MYRFL: variants seen among roughly 807,000 people sequenced by gnomAD.
MYRFL encodes the protein myelin regulatory factor-like protein.
MYRFL carries 88 observed loss-of-function variants against 109.4 expected under a neutral mutation model. The ratio of observed to expected loss-of-function variants is 0.80; its 90% confidence interval spans 0.68 to 0.96. MYRFL has a LOEUF of 0.96. Ranked by LOEUF, MYRFL falls within the 40% of genes least tolerant of loss-of-function variation. The pLI, the probability that MYRFL is intolerant of heterozygous loss-of-function variation, is 0.00. For synonymous variants in MYRFL, 324 were observed against 320.9 expected (o/e 1.01, Z -0.10); for missense variants, 957 against 954.9 (o/e 1.00, Z -0.03).
intron 19 of MYRFL, among the ~76,000 whole-genome samples, chr12:69,943,840 A>G (rs1186506488): frequency 1.3e-5 from 2 of 152,156 alleles, no homozygotes; most frequent in East Asian, 3.9e-4. Flanking sequence ...TTTACAAGAA[A>G]AAAACAAACA....
At chr12:69,947,835 A>T (rs1955879211) in intron 19 of MYRFL, among the ~76,000 whole-genome samples, 1 of 152,268 alleles carries the variant, frequency 6.6e-6, no homozygotes, top group African/African-American at 2.4e-5. Context: ...GGGAAGAGAA[A>T]TGTATCCAAG....
At chr12:69,840,621 A>C (rs1333599833) in intron 1 of MYRFL, among the ~76,000 whole-genome samples, 1 of 152,198 alleles carries the variant, frequency 6.6e-6, no homozygotes, top group Non-Finnish European at 1.5e-5. Flanking sequence ...AATAATTTTG[A>C]ATGAATAAGT....
intron 13 of MYRFL, among the ~76,000 whole-genome samples, chr12:69,911,409 G>A (rs1328867438): frequency 1.3e-5 from 2 of 152,162 alleles, no homozygotes; most frequent in Non-Finnish European, 2.9e-5. Flanking sequence ...AATTTTTTGA[G>A]CATAGTTTTT....
At chr12:69,894,628 G>T (rs1887112806) in intron 8 of MYRFL, among the ~76,000 whole-genome samples, 1 of 152,212 alleles carries the variant, frequency 6.6e-6, no homozygotes, top group African/African-American at 2.4e-5. Flanking sequence ...CTTGCTGAAT[G>T]GATTCCAGTA....
chr12:69,853,846 G>A (rs112830788), intron 1 of MYRFL, among the ~76,000 whole-genome samples: 106 of 149,608 alleles, frequency 7.1e-4, no homozygotes, highest in African/African-American at 2.2e-3. Flanking sequence ...GGGAAGAGGC[G>A]CTCCTCATTT....
chr12:69,925,921 A>G (rs1017410937), intron 13 of MYRFL, among the ~76,000 whole-genome samples: 6 of 152,158 alleles, frequency 3.9e-5, no homozygotes, highest in Non-Finnish European at 8.8e-5. Flanking sequence ...AGGTTATTGC[A>G]TTTTGTCTGG....
In MYRFL at chr12:69,825,228, G is replaced by A. The variant is rs965666760; in HGVS notation, c.-290G>A. ...CAAAGGTCCTTAAAGACGAAAAGCAGAGTAGAAACAGTTCCTTATATTAAG... is the reference window on the plus strand; with the variant it reads ...CAAAGGTCCTTAAAGACGAAAAGCAAAGTAGAAACAGTTCCTTATATTAAG... On this transcript the variant is annotated 5_prime_UTR_variant, in exon 1 of 25. Transcript: ENST00000552032. 1.1e-5 allele frequency: 6 copies of A among 561,726 alleles called. No individual in the cohort carries two copies. Among genetic ancestry groups the A allele is most frequent in the Admixed American group, 3.0e-5 (1 of 33,266 alleles). 34.8% of individuals were successfully genotyped at this position (561,726 alleles called of 1,614,324 possible).
intron 19 of MYRFL, among the ~76,000 whole-genome samples, chr12:69,951,422 GCTTT>G (rs1955972416): frequency 9.1e-6 from 1 of 109,652 alleles, no homozygotes; most frequent in South Asian, 3.0e-4. Flanking sequence ...GTCCTAACCT[GCTTT>G]TTTTTTTTTT....
intron 2 of MYRFL, among the ~76,000 whole-genome samples, chr12:69,874,619 T>C (rs1347099300): frequency 3.9e-5 from 6 of 152,346 alleles, no homozygotes; most frequent in African/African-American, 1.4e-4. Flanking sequence ...CTTTAACATT[T>C]CTTATTGTAC....
At chr12:69,927,604 T>C (rs775971466) in intron 14 of MYRFL, 81 bp from the exon 15 acceptor site, 3 of 1,000,136 alleles carry the variant, frequency 3.0e-6, no homozygotes, top group Non-Finnish European at 4.4e-6. Flanking sequence ...CATATTGCTA[T>C]GTTAGTGACA....
At chr12:69,839,438 G>C (rs1006818149) in intron 1 of MYRFL, among the ~76,000 whole-genome samples, 5 of 152,084 alleles carry the variant, frequency 3.3e-5, no homozygotes, top group African/African-American at 7.2e-5. Context: ...TCTTAAATTT[G>C]TATTAGACAT....
At chr12:69,877,488 G>A (rs1885763074) in intron 2 of MYRFL, among the ~76,000 whole-genome samples, 1 of 152,072 alleles carries the variant, frequency 6.6e-6, no homozygotes, top group Admixed American at 6.5e-5. Flanking sequence ...CCATTTCCAG[G>A]CAGTCTTGGT....
chr12:69,869,791 T>C (rs1240224), intron 2 of MYRFL, among the ~76,000 whole-genome samples: 93,201 of 151,984 alleles, frequency 0.61, 29,728 homozygotes, highest in Non-Finnish European at 0.69. Flanking sequence ...TTGCCTAATG[T>C]CTGGTAGAGT....
chr12:69,850,489 T>G (rs1379528780), intron 1 of MYRFL, among the ~76,000 whole-genome samples: 1 of 152,192 alleles, frequency 6.6e-6, no homozygotes, highest in African/African-American at 2.4e-5. Context: ...CTATCAGTTC[T>G]AAAGGATTCT....
chr12:69,835,106 T>C (rs1882856437), intron 1 of MYRFL, among the ~76,000 whole-genome samples: 1 of 152,240 alleles, frequency 6.6e-6, no homozygotes, highest in South Asian at 2.1e-4. Flanking sequence ...TCAGTTTACC[T>C]ATGTTCTGTG....
At chr12:69,857,056 T>G (rs1296300340) in intron 2 of MYRFL, among the ~76,000 whole-genome samples, 3 of 152,072 alleles carry the variant, frequency 2.0e-5, no homozygotes, top group African/African-American at 7.2e-5. Flanking sequence ...GTAAAAGGCT[T>G]GAGATACAGA....
chr12:69,904,918 G>T (rs1406215430), intron 11 of MYRFL, among the ~76,000 whole-genome samples: 1 of 152,162 alleles, frequency 6.6e-6, no homozygotes, highest in South Asian at 2.1e-4. Flanking sequence ...ATCTGCACTG[G>T]TTTTCCTAAA....
In MYRFL at chr12:69,910,153, A is replaced by G. The variant is rs1193962471; in HGVS notation, c.1492+76A>G. On this transcript the variant is annotated intron_variant, in intron 12 of 24. Coordinates refer to ENST00000552032, the MANE Select transcript of MYRFL (RefSeq NM_182530.3). ...TTAATTACCTCTTTATTTTGAGGTT[A>G]TGTGCTATGGCATTTGACAACGCTA... The G allele has an allele frequency of 1.6e-5, 16 of 975,690 alleles. No individual in the cohort carries two copies. The Admixed American group carries it at 3.7e-4, about 23-fold the overall frequency. 60.4% of individuals were successfully genotyped at this position (975,690 alleles called of 1,614,324 possible). A position where few individuals can be genotyped will look rare whatever the true frequency, so the allele number is the denominator to read the frequency against.
intron 1 of MYRFL, among the ~76,000 whole-genome samples, chr12:69,844,990 G>A (rs141222544): frequency 6.6e-6 from 1 of 151,930 alleles, no homozygotes; most frequent in Non-Finnish European, 1.5e-5. Context: ...ATGCTCCTGT[G>A]CTCTAACCCA....
Sources: allele counts gnomAD v4.1 joint callset (sites outside exome capture counted in the v4.1 genomes callset), GRCh38; gene constraint gnomAD v4.1.1; transcripts MANE v1.5; gene names NCBI Gene and HGNC (gene_info 2026-07-23, HGNC 2026-07-21).